ATP8B1: variants seen among roughly 807,000 people sequenced by gnomAD.
ATP8B1 encodes phospholipid-transporting ATPase IC.
A neutral mutation model predicts 149.9 loss-of-function variants in ATP8B1; 80 were observed. That is an observed-to-expected ratio of 0.53 (90% CI 0.45 to 0.64). The LOEUF (loss-of-function observed/expected upper bound fraction) is 0.64, where lower values mean the gene tolerates loss of function less well. ATP8B1 is among the 30% of genes least tolerant of loss of function. The pLI, the probability that ATP8B1 is intolerant of heterozygous loss-of-function variation, is 0.00. For synonymous variants in ATP8B1, 536 were observed against 562.8 expected (o/e 0.95, Z 0.67); for missense variants, 1,247 against 1,552.6 (o/e 0.80, Z 3.31).
rs1909531869 is a variant in ATP8B1 at position 57,650,460 on chromosome 18, C to T, written c.3438G>A (p.Trp1146Ter). ...CAGCAACAGCCAGGATGATAGTTAA[C>T]CAAATGTATGGCTGTCTCAGAGCGT... ...ASNALRQPYI[W>*]LTIILAVAVC... Residue 1146 changes from tryptophan to a stop codon, truncating the protein, a stop_gained, in exon 27 of 28, where the codon TGG becomes TGA. Coordinates refer to ENST00000648908, the MANE Select transcript of ATP8B1 (RefSeq NM_001374385.1). LOFTEE classifies it high-confidence loss of function. The T allele has an allele frequency of 6.2e-7, 1 of 1,613,820 alleles. No individual in the cohort carries two copies. Among genetic ancestry groups the T allele is most frequent in the Admixed American group, 1.7e-5 (1 of 59,988 alleles).
intron 1 of ATP8B1, among the ~76,000 whole-genome samples, chr18:57,774,769 T>A (rs1364439332): frequency 1.3e-5 from 2 of 152,200 alleles, no homozygotes; most frequent in Non-Finnish European, 2.9e-5. Flanking sequence ...AGTCACCTAT[T>A]AATAAGGCTC....
intron 24 of ATP8B1, among the ~76,000 whole-genome samples, chr18:57,653,282 C>CTTT (rs199543849): frequency 1.6e-4 from 18 of 114,470 alleles, no homozygotes; most frequent in East Asian, 2.5e-4. Flanking sequence ...CTTTTCTTTT[C>CTTT]TTTTTTTTTT....
At chr18:57,698,414 G>T (rs1349216438) in intron 6 of ATP8B1, among the ~76,000 whole-genome samples, 1 of 152,056 alleles carries the variant, frequency 6.6e-6, no homozygotes, top group Non-Finnish European at 1.5e-5. Context: ...CACGATCTCA[G>T]CTCACTGCAA....
intron 1 of ATP8B1, among the ~76,000 whole-genome samples, chr18:57,781,902 C>T (rs766270536): frequency 5.9e-5 from 9 of 152,216 alleles, no homozygotes; most frequent in Non-Finnish European, 1.2e-4. Context: ...GGAGGATGGC[C>T]TGAGTCCAGA....
intron 17 of ATP8B1, among the ~76,000 whole-genome samples, chr18:57,670,053 CTTTCTCAT>C (rs890443150): frequency 1.1e-4 from 17 of 152,204 alleles, no homozygotes; most frequent in South Asian, 4.2e-4. Flanking sequence ...CTTCTATTAC[CTTTCTCAT>C]TTTCTCATTT....
Position 57,725,579 on chromosome 18 carries a change from T to G in ATP8B1, c.181+6048A>C, listed in dbSNP as rs192548495. Reference sequence around the variant, plus strand: ...GAAGACCCAGAAAAGCCACAGCTAATCTAAGCCAAAAGAACAGAACTGTAG... The same window carrying G: ...GAAGACCCAGAAAAGCCACAGCTAAGCTAAGCCAAAAGAACAGAACTGTAG... On this transcript the variant is annotated intron_variant, in intron 2 of 27. Transcript: ENST00000648908. Among the ~76,000 whole-genome samples, 12 of 152,274 alleles carry G rather than the reference T, an allele frequency of 7.9e-5. No individual in the cohort carries two copies. In the East Asian group the frequency reaches 2.3e-3, roughly 29 times the overall value.
At chr18:57,733,923 T>C (rs1436799284) in intron 1 of ATP8B1, 1 of 152,058 alleles carries the variant, frequency 6.6e-6, no homozygotes, top group Non-Finnish European at 1.5e-5. Flanking sequence ...CAAATATTTA[T>C]ATGAGGATTT....
chr18:57,674,831 T>C lies in ATP8B1; in HGVS notation c.1819+3A>G. 6.2e-7 allele frequency: 1 copy of C among 1,613,978 alleles called. No individual in the cohort carries two copies. The highest frequency in any genetic ancestry group is 8.5e-7 in the Non-Finnish European group (1 of 1,179,894). ...TCATAGACAGACTCTGAGGGGGACT[T>C]ACCAATGATAGACATTCGCTTCCGG... On this transcript the variant is annotated splice_donor_region_variant and intron_variant, in intron 16 of 27. Transcript: ENST00000648908.
In ATP8B1 at chr18:57,668,555, A is replaced by T. The variant is rs764959915; in HGVS notation, c.2098-15T>A. On this transcript the variant is annotated splice_polypyrimidine_tract_variant and intron_variant, in intron 18 of 27. Transcript: ENST00000648908. ...GCTCCCAGGAGCTAGAATGTATATT[A>T]AAAAAAAAAAAAAAAGGAATTAGCA... 25 of 1,269,920 alleles carry T rather than the reference A, an allele frequency of 2.0e-5. No homozygotes were observed. The highest frequency in any genetic ancestry group is 5.9e-5 in the Admixed American group (2 of 33,774). The allele number at this position is 1,269,920 out of a possible 1,614,324, so 78.7% of individuals were successfully genotyped here.
At chr18:57,708,157 CA>C (rs36027330) in intron 2 of ATP8B1, among the ~76,000 whole-genome samples, 7,141 of 67,008 alleles carry the variant, frequency 0.11, 117 homozygotes, top group Middle Eastern at 0.18. Context: ...AACTCTGTCT[CA>C]AAAAAAAAAA....
chr18:57,757,833 C>T (rs2080099851), intron 1 of ATP8B1, among the ~76,000 whole-genome samples: 1 of 152,172 alleles, frequency 6.6e-6, no homozygotes, highest in Non-Finnish European at 1.5e-5. Flanking sequence ...CAACTTTAGA[C>T]AAGATGGAGC....
intron 15 of ATP8B1, among the ~76,000 whole-genome samples, chr18:57,676,265 G>A (rs986898467): frequency 1.3e-5 from 2 of 151,976 alleles, no homozygotes; most frequent in African/African-American, 4.8e-5. Context: ...AGGCGCAAGT[G>A]ATCCTCCCAC....
intron 2 of ATP8B1, among the ~76,000 whole-genome samples, chr18:57,713,177 TTC>T (rs1204675305): frequency 1.4e-5 from 1 of 71,680 alleles, no homozygotes; most frequent in African/African-American, 5.4e-5. Context: ...CTTTCTTTCT[TTC>T]TTTCTTTCTT....
rs747330169 is a variant in ATP8B1, at chr18:57,661,184, G to A, written c.2697C>T (p.Asn899=). The A allele has an allele frequency of 6.2e-7, 1 of 1,613,702 alleles. No homozygotes were observed. Among genetic ancestry groups the A allele is most frequent in the South Asian group, 1.1e-5 (1 of 91,078 alleles). The change falls in exon 22 of 28, where the codon AAC becomes AAT. Residue 899 remains asparagine, a synonymous_variant. Coordinates refer to ENST00000648908, the MANE Select transcript of ATP8B1 (RefSeq NM_001374385.1). ...GGGTGCATGACTCACTTTTGATCAT[G>A]TTCACGTCATTGGCCCCATCTCCGA... ...LAIGDGANDV[N]MIKTAHIGVG... is the part of the protein sequence containing the mutation.
intron 1 of ATP8B1, among the ~76,000 whole-genome samples, chr18:57,766,165 TC>T (rs1367173662): frequency 1.3e-5 from 2 of 151,226 alleles, no homozygotes; most frequent in Admixed American, 1.3e-4. Context: ...TGCCTCAGCC[TC>T]CCAAGTAGCT....
At chr18:57,795,124 C>T (rs564084966) in intron 1 of ATP8B1, among the ~76,000 whole-genome samples, 63 of 152,282 alleles carry the variant, frequency 4.1e-4, no homozygotes, top group African/African-American at 1.4e-3. Flanking sequence ...GTGGGCCAGG[C>T]ATGGTGACTC....
intron 15 of ATP8B1, among the ~76,000 whole-genome samples, chr18:57,682,920 C>A (rs1912054799): frequency 6.6e-6 from 1 of 152,068 alleles, no homozygotes; most frequent in Admixed American, 6.6e-5. Flanking sequence ...CTCACTGCAG[C>A]CTTGACCTCC....
chr18:57,720,757 T>C (rs1241192192), intron 2 of ATP8B1, among the ~76,000 whole-genome samples: 1 of 143,342 alleles, frequency 7.0e-6, no homozygotes, highest in Non-Finnish European at 1.5e-5. Flanking sequence ...GCCACAAAGA[T>C]ACTCCTCGAG....
At chr18:57,700,218 G>A (rs770161284) in intron 6 of ATP8B1, among the ~76,000 whole-genome samples, 8 of 151,922 alleles carry the variant, frequency 5.3e-5, no homozygotes, top group Non-Finnish European at 1.2e-4. Flanking sequence ...CTACAATTTC[G>A]TCAATTGAAA....
Sources: allele counts gnomAD v4.1 joint callset (sites outside exome capture counted in the v4.1 genomes callset), GRCh38; gene constraint gnomAD v4.1.1; transcripts MANE v1.5; gene names NCBI Gene and HGNC (gene_info 2026-07-23, HGNC 2026-07-21).